The following TRIM13 variants were observed in gnomAD, a reference collection of about 807,000 sequenced individuals.
The protein encoded by TRIM13 is E3 ubiquitin-protein ligase TRIM13.
A neutral mutation model predicts 27.1 loss-of-function variants in TRIM13; 15 were observed. The ratio of observed to expected loss-of-function variants is 0.55; its 90% CI spans 0.37 to 0.85. The LOEUF (loss-of-function observed/expected upper bound fraction) is 0.85, where lower values mean the gene tolerates loss of function less well. Ranked by LOEUF, TRIM13 falls within the 40% of genes least tolerant of loss-of-function variation. TRIM13 has a pLI of 0.00. For missense variants in TRIM13, 402 were observed against 472.2 expected (o/e 0.85, Z 1.38); for synonymous variants, 193 against 171.5 (o/e 1.13, Z -0.98).
intron 1 of TRIM13, among the ~76,000 whole-genome samples, chr13:50,009,818 A>G (rs1450491996): frequency 6.6e-6 from 1 of 151,646 alleles, no homozygotes; most frequent in African/African-American, 2.4e-5. Flanking sequence ...GCACACCTGC[A>G]GTCTGTAGTT....
chr13:50,015,083 AAAAAAAAAAAAATATATATATAT>A lies in TRIM13; in HGVS notation c.*1921_*1943del, dbSNP rs1274008010. ...TTTTCCCCTCCCAGTAATAAAAAAA[AAAAAAAAAAAAATATATATATAT>A]ATATATATATATATATATATATATA... On this transcript the variant is annotated 3_prime_UTR_variant, in exon 2 of 2. Coordinates refer to ENST00000378182, the MANE Select transcript of TRIM13 (RefSeq NM_213590.3). The A allele has an allele frequency of 1.0e-4, 5 of 50,240 alleles. No homozygotes were observed. The East Asian group carries it at 1.5e-3, about 15-fold the overall frequency. The allele number at this position is 50,240 out of a possible 1,614,324, so 3.1% of individuals were successfully genotyped here. A position where few individuals can be genotyped will look rare whatever the true frequency, so the allele number is the denominator to read the frequency against.
At chr13:50,009,873 GA>G (rs1316431066) in intron 1 of TRIM13, among the ~76,000 whole-genome samples, 2 of 151,906 alleles carry the variant, frequency 1.3e-5, no homozygotes, top group Non-Finnish European at 2.9e-5. Flanking sequence ...AGGCTGCAGT[GA>G]GCTATGATCA....
At position 50,017,289 on chromosome 13, in the gene TRIM13, G is replaced by A. The variant is rs1876726337; in HGVS notation, c.*4125G>A. 1 of 167,000 alleles carries A rather than the reference G, an allele frequency of 6.0e-6. No homozygotes were observed. The highest frequency in any genetic ancestry group is 2.4e-5 in the African/African-American group (1 of 41,418). 10.3% of individuals were successfully genotyped at this position (167,000 alleles called of 1,614,324 possible). A position where few individuals can be genotyped will look rare whatever the true frequency, so the allele number is the denominator to read the frequency against. ...AAGTCAGAAACCTAGAGACAAAACT[G>A]TCATTGATTTTTAAGAAGAAACACA... On this transcript the variant is annotated 3_prime_UTR_variant, in exon 2 of 2. Coordinates refer to ENST00000378182, the MANE Select transcript of TRIM13 (RefSeq NM_213590.3).
rs10675754 is a variant in TRIM13 at position 50,016,156 on chromosome 13, T to TCTC, written c.*2994_*2995insCCT. 0.14 allele frequency: 129,671 copies of TCTC among 899,010 alleles called. 10,565 individuals are homozygous for TCTC. The highest frequency in any genetic ancestry group is 0.26 in the African/African-American group (15,168 of 59,082). 55.7% of individuals were successfully genotyped at this position (899,010 alleles called of 1,614,324 possible). On this transcript the variant is annotated 3_prime_UTR_variant, in exon 2 of 2. Transcript: ENST00000378182. ...CTTGAAGTTCCTCAGGCCTGTAACT[T>TCTC]CTGGAAAAGATGATTATTCAAAATA...
rs754472352 is a variant in TRIM13, at chr13:50,015,842, CG to C, written c.*2680del. 6.9e-5 allele frequency: 112 copies of C among 1,613,930 alleles called. 1 individual carries two copies. The South Asian group carries it at 1.0e-3, about 14-fold the overall frequency. On this transcript the variant is annotated 3_prime_UTR_variant, in exon 2 of 2. Coordinates refer to ENST00000378182, the MANE Select transcript of TRIM13 (RefSeq NM_213590.3). Reference sequence around the variant, plus strand: ...TCTTGTGGAGGTACATTTCCTAAGCCGGAACACTCAAGCTTTTTTCAGGGTG... The same window carrying C: ...TCTTGTGGAGGTACATTTCCTAAGCCGAACACTCAAGCTTTTTTCAGGGTG...
chr13:50,004,205 A>T (rs1379072644), intron 1 of TRIM13, among the ~76,000 whole-genome samples: 7 of 152,242 alleles, frequency 4.6e-5, no homozygotes, highest in Admixed American at 4.6e-4. Context: ...TCTTGCCTGT[A>T]TAATCAGCAC....
intron 1 of TRIM13, among the ~76,000 whole-genome samples, chr13:50,009,750 A>C (rs1040480242): frequency 2.9e-5 from 4 of 137,168 alleles, no homozygotes; most frequent in Non-Finnish European, 4.9e-5. Flanking sequence ...AAAAAAAAAA[A>C]AAAAAAAACA....
In TRIM13 at chr13:50,006,992, G is replaced by A. The variant is rs1874803786; in HGVS notation, c.-6-4943G>A. 2.6e-5 allele frequency among the ~76,000 whole-genome samples: 4 copies of A among 151,284 alleles called. No homozygotes were observed. In the South Asian group the frequency reaches 6.3e-4, roughly 24 times the overall value. The stretch of plus-strand genomic sequence containing the variant: ...GGTCAGGAGGTTGAGACCAGCCTGG[G>A]CAACATGGTGAAACCCTGTCTCCAG... On this transcript the variant is annotated intron_variant, in intron 1 of 1. Transcript: ENST00000378182.
chr13:50,002,388 A>AAAAAAC (rs199711674), intron 1 of TRIM13, among the ~76,000 whole-genome samples: 2 of 152,082 alleles, frequency 1.3e-5, no homozygotes, highest in African/African-American at 2.4e-5. Flanking sequence ...GACTGTCTCA[A>AAAAAAC]AAAAACAAAA....
At chr13:49,998,815 C>T (rs1161931511) in intron 1 of TRIM13, among the ~76,000 whole-genome samples, 1 of 151,534 alleles carries the variant, frequency 6.6e-6, no homozygotes, top group Non-Finnish European at 1.5e-5. Flanking sequence ...CCTGTAATCC[C>T]AGCTACTCGG....
chr13:50,004,659 G>T (rs1039422770), intron 1 of TRIM13, among the ~76,000 whole-genome samples: 1 of 152,034 alleles, frequency 6.6e-6, no homozygotes, highest in Admixed American at 6.5e-5. Context: ...AGCTACACGG[G>T]AGGCTGACGC....
chr13:50,013,587 A>G lies in TRIM13; in HGVS notation c.*423A>G, dbSNP rs558510647. The G allele has an allele frequency of 1.1e-3, 165 of 155,728 alleles. No individual in the cohort carries two copies. Among genetic ancestry groups the G allele is most frequent in the Non-Finnish European group, 2.0e-3 (135 of 67,638 alleles). The allele number at this position is 155,728 out of a possible 1,614,324, so 9.6% of individuals were successfully genotyped here. On this transcript the variant is annotated 3_prime_UTR_variant, in exon 2 of 2. Transcript: ENST00000378182. ...GCCCAGGCTGGAGTGCAGTGATGCAATCTTGGCTCACTGCAGCCTCTACCT... is the reference window on the plus strand; with the variant it reads ...GCCCAGGCTGGAGTGCAGTGATGCAGTCTTGGCTCACTGCAGCCTCTACCT...
rs1047457722 is a variant in TRIM13 at position 50,016,546 on chromosome 13, C to T, written c.*3382C>T. On this transcript the variant is annotated 3_prime_UTR_variant, in exon 2 of 2. Transcript: ENST00000378182. ...CTTCAGCTGACTTTATTTTTAAACACCCTTAAAGACAGATATATCTCATGG... is the reference window on the plus strand; with the variant it reads ...CTTCAGCTGACTTTATTTTTAAACATCCTTAAAGACAGATATATCTCATGG... The T allele has an allele frequency of 5.9e-6, 1 of 169,726 alleles. No homozygotes were observed. Among genetic ancestry groups the T allele is most frequent in the Non-Finnish European group, 1.4e-5 (1 of 69,998 alleles). The allele number at this position is 169,726 out of a possible 1,614,324, so 10.5% of individuals were successfully genotyped here.
chr13:50,013,326 G>A lies in TRIM13; in HGVS notation c.*162G>A. 1.3e-6 allele frequency: 1 copy of A among 741,242 alleles called. No individual in the cohort carries two copies. The highest frequency in any genetic ancestry group is 2.1e-6 in the Non-Finnish European group (1 of 487,744). 45.9% of individuals were successfully genotyped at this position (741,242 alleles called of 1,614,324 possible). The stretch of plus-strand genomic sequence containing the variant: ...CAAATTAGGTAGCATAAAGATAAAA[G>A]TGAAATTTAGTAGTATAGGCCTGAA... On this transcript the variant is annotated 3_prime_UTR_variant, in exon 2 of 2. Coordinates refer to ENST00000378182, the MANE Select transcript of TRIM13 (RefSeq NM_213590.3).
In TRIM13 at chr13:50,012,751, A is replaced by C. The variant is rs199783555; in HGVS notation, c.811A>C (p.Asn271His). The C allele has an allele frequency of 2.5e-6, 4 of 1,614,068 alleles. No individual in the cohort carries two copies. The South Asian group carries it at 4.4e-5, about 18-fold the overall frequency. Residue 271 changes from asparagine to histidine, a missense_variant, in exon 2 of 2, where the codon AAT becomes CAT. Around this residue, in one of 2 missense-constraint regions of TRIM13, gnomAD observed 200 missense variants for 194.7 expected, o/e 1.03. Transcript: ENST00000378182. ...VIKETPLPPS[N>H]LPASPLMKNF... ...CAAGGAAACTCCTTTACCTCCCTCT[A>C]ATTTGCCTGCAAGCCCTTTAATGAA...
chr13:50,007,980 C>T (rs1294425794), intron 1 of TRIM13, among the ~76,000 whole-genome samples: 3 of 151,474 alleles, frequency 2.0e-5, no homozygotes, highest in Admixed American at 1.3e-4. Context: ...TCTCGGCTAA[C>T]TGCAAGCTCT....
chr13:50,005,064 G>C (rs933723901), intron 1 of TRIM13, among the ~76,000 whole-genome samples: 13 of 151,830 alleles, frequency 8.6e-5, no homozygotes, highest in Non-Finnish European at 1.3e-4. Flanking sequence ...TAACAAGAGC[G>C]AGACTCCCTC....
chr13:50,013,113 G>T lies in TRIM13; in HGVS notation c.1173G>T (p.Leu391Phe), dbSNP rs76000535. 5.3e-5 allele frequency: 86 copies of T among 1,611,168 alleles called. No individual in the cohort carries two copies. The highest frequency in any genetic ancestry group is 4.3e-4 in the African/African-American group (32 of 74,774). ...ATGAAAGATTCAAGAATTTTACTTTGGTGGTACTGAACAATGTGGCAGAAT... is the reference window on the plus strand; with the variant it reads ...ATGAAAGATTCAAGAATTTTACTTTTGTGGTACTGAACAATGTGGCAGAAT... ...IFNERFKNFT[L>F]VVLNNVAEFV... Residue 391 changes from leucine (L) to phenylalanine (F), a missense_variant, in exon 2 of 2, where the codon TTG (leucine) becomes TTT (phenylalanine). Leu to Phe is a conservative substitution (Grantham distance 22). Coordinates refer to ENST00000378182, the MANE Select transcript of TRIM13 (RefSeq NM_213590.3).
intron 1 of TRIM13, among the ~76,000 whole-genome samples, chr13:49,999,175 G>C (rs1054384783): frequency 6.6e-6 from 1 of 151,756 alleles, no homozygotes; most frequent in South Asian, 2.1e-4. Flanking sequence ...GTAAAACCAC[G>C]GGTGCAGGTG....
Sources: allele counts gnomAD v4.1 joint callset (sites outside exome capture counted in the v4.1 genomes callset), GRCh38; gene constraint gnomAD v4.1.1; regional missense constraint gnomAD v4.1.1; transcripts MANE v1.5; gene names NCBI Gene and HGNC (gene_info 2026-07-23, HGNC 2026-07-21).